TANC2: variants seen among roughly 807,000 people sequenced by gnomAD.
TANC2 encodes protein TANC2.
In TANC2, 26 loss-of-function variants were observed where a neutral mutation model predicts 210.5. The ratio of observed to expected loss-of-function variants is 0.12; its 90% CI spans 0.09 to 0.17. The LOEUF (loss-of-function observed/expected upper bound fraction) is 0.17. TANC2 is among the 10% of genes least tolerant of loss of function. The probability of loss-of-function intolerance (pLI) is 1.00; values close to 1 mark genes in which losing one functional copy is unlikely to be tolerated. For synonymous variants in TANC2, 931 were observed against 967.1 expected (o/e 0.96, Z 0.69); for missense variants, 2,129 against 2,608.9 (o/e 0.82, Z 4.01).
chr17:62,969,521 A>C lies in TANC2; in HGVS notation c.-24+2772A>C, dbSNP rs528491697. On this transcript the variant is annotated intron_variant, in intron 1 of 27. Coordinates refer to ENST00000689528, the Ensembl canonical transcript of TANC2. The stretch of plus-strand genomic sequence containing the variant: ...AAGTCTGCATATATACAAAAGATAC[A>C]GTTATTTGCAGTGTGAACATTTCTC... 3.9e-5 allele frequency among the ~76,000 whole-genome samples: 6 copies of C among 152,348 alleles called. No homozygotes were observed. In the South Asian group the frequency reaches 1.2e-3, roughly 32 times the overall value.
At chr17:63,070,226 A>G (rs2036345808) in intron 2 of TANC2, among the ~76,000 whole-genome samples, 1 of 152,072 alleles carries the variant, frequency 6.6e-6, no homozygotes, top group African/African-American at 2.4e-5. Context: ...ACTTAAGGGG[A>G]AAAAAAATCT....
At chr17:63,322,975 G>A (rs1224125040) in intron 11 of TANC2, among the ~76,000 whole-genome samples, 1 of 152,190 alleles carries the variant, frequency 6.6e-6, no homozygotes, top group African/African-American at 2.4e-5. Context: ...ATGGAATCCT[G>A]TTCAGCTTAT....
intron 2 of TANC2, among the ~76,000 whole-genome samples, chr17:63,013,762 T>TAAAAA (rs34126221): frequency 9.8e-6 from 1 of 101,758 alleles, no homozygotes; most frequent in Non-Finnish European, 1.8e-5. Context: ...ACCCTGTCTT[T>TAAAAA]AAAAAAAAAA....
chr17:63,011,979 T>A (rs1312867599), intron 2 of TANC2, among the ~76,000 whole-genome samples: 1 of 151,856 alleles, frequency 6.6e-6, no homozygotes, highest in African/African-American at 2.4e-5. Flanking sequence ...CTCCTATCTT[T>A]CTTTTTCCTC....
intron 7 of TANC2, among the ~76,000 whole-genome samples, chr17:63,210,874 T>G (rs2041865005): frequency 6.6e-6 from 1 of 152,190 alleles, no homozygotes; most frequent in South Asian, 2.1e-4. Context: ...TTGAATCAGT[T>G]TCCTTGTAGT....
intron 22 of TANC2, 58 bp downstream of exon 22, chr17:63,411,744 A>G (rs1362638915): frequency 6.4e-7 from 1 of 1,553,308 alleles, no homozygotes; most frequent in Non-Finnish European, 8.7e-7. Flanking sequence ...CTCCATCCAT[A>G]CTACCTGGGG....
intron 3 of TANC2, 121 bp downstream of exon 3, chr17:63,074,135 T>C (rs2036494642): frequency 1.6e-6 from 1 of 629,862 alleles, no homozygotes; most frequent in Non-Finnish European, 2.5e-6. Flanking sequence ...AGTTTCTCAT[T>C]TAGGATTTAA....
chr17:63,115,848 C>T (rs1490867977), intron 4 of TANC2, among the ~76,000 whole-genome samples: 2 of 152,014 alleles, frequency 1.3e-5, no homozygotes, highest in African/African-American at 2.4e-5. Context: ...TAGTTAGGTG[C>T]CTTACTCAGG....
In TANC2 at chr17:63,358,379, ATGTGTGTGTG is replaced by A. The variant is rs375498280; in HGVS notation, c.2582+3013_2582+3022del. Among the ~76,000 whole-genome samples, 204 of 139,642 alleles carry A rather than the reference ATGTGTGTGTG, an allele frequency of 1.5e-3. 1 individual carries two copies. Among genetic ancestry groups the A allele is most frequent in the African/African-American group, 4.9e-3 (179 of 36,164 alleles). The allele number at this position is 139,642 out of a possible 152,430, so 91.6% of individuals were successfully genotyped here. A position where few individuals can be genotyped will look rare whatever the true frequency, so the allele number is the denominator to read the frequency against. On this transcript the variant is annotated intron_variant, in intron 14 of 27. Transcript: ENST00000689528. ...AGAGAGAGAGAGAGAGAGAGAGAGT[ATGTGTGTGTG>A]TGTGTGTGTGTGTGTGTGTGTGTAT...
intron 11 of TANC2, among the ~76,000 whole-genome samples, chr17:63,322,496 TC>T (rs1260309389): frequency 6.6e-6 from 1 of 151,656 alleles, no homozygotes; most frequent in Non-Finnish European, 1.5e-5. Flanking sequence ...AGACTACGTC[TC>T]AAAAAAAAAG....
intron 1 of TANC2, among the ~76,000 whole-genome samples, chr17:62,975,924 A>AT (rs913223104): frequency 1.3e-5 from 2 of 151,978 alleles, no homozygotes; most frequent in African/African-American, 4.8e-5. Context: ...GCTCCTCCCA[A>AT]TTTTTTACTG....
At chr17:63,132,067 G>T (rs1290030937) in intron 4 of TANC2, among the ~76,000 whole-genome samples, 2 of 152,204 alleles carry the variant, frequency 1.3e-5, no homozygotes, top group Non-Finnish European at 2.9e-5. Flanking sequence ...AACATTTGTT[G>T]TTCCAGGCTT....
chr17:63,141,731 C>T (rs1294408716), intron 4 of TANC2, among the ~76,000 whole-genome samples: 1 of 151,898 alleles, frequency 6.6e-6, no homozygotes, highest in Admixed American at 6.6e-5. Flanking sequence ...CAGAATGATC[C>T]CATTTCATCA....
At chr17:63,383,642 G>C (rs759417416) in intron 15 of TANC2, among the ~76,000 whole-genome samples, 1 of 151,942 alleles carries the variant, frequency 6.6e-6, no homozygotes, top group Non-Finnish European at 1.5e-5. Context: ...TCCAATTTTG[G>C]CAATTATGAA....
At chr17:63,023,901 T>C (rs1183918325) in intron 2 of TANC2, among the ~76,000 whole-genome samples, 1 of 152,204 alleles carries the variant, frequency 6.6e-6, no homozygotes, top group African/African-American at 2.4e-5. Context: ...TTGTTTATAT[T>C]CCACAAATTT....
chr17:63,285,740 G>A (rs372989801), intron 9 of TANC2, among the ~76,000 whole-genome samples: 2 of 152,136 alleles, frequency 1.3e-5, no homozygotes, highest in Admixed American at 6.6e-5. Context: ...ATTGTATACC[G>A]GGAAAACGCA....
At chr17:63,238,159 C>A in intron 8 of TANC2, 82 bp downstream of exon 8, 1 of 1,413,238 alleles carries the variant, frequency 7.1e-7, no homozygotes, top group South Asian at 1.6e-5. Flanking sequence ...AAAATAAATC[C>A]TGCTCTGACA....
intron 2 of TANC2, among the ~76,000 whole-genome samples, chr17:63,055,594 TAACTC>T (rs923303554): frequency 3.3e-5 from 5 of 151,886 alleles, no homozygotes; most frequent in Non-Finnish European, 5.9e-5. Flanking sequence ...TGTACATACA[TAACTC>T]TATTCTATTT....
intron 1 of TANC2, among the ~76,000 whole-genome samples, chr17:62,975,186 C>A (rs534021095): frequency 1.3e-5 from 2 of 152,276 alleles, no homozygotes; most frequent in Non-Finnish European, 2.9e-5. Flanking sequence ...AGATCTCAGG[C>A]AATTCTGTCT....
Sources: gnomAD v4.1 joint callset for allele counts (sites outside exome capture counted in the v4.1 genomes callset) on GRCh38, gnomAD v4.1.1 for gene constraint, MANE v1.5 for transcripts, NCBI Gene and HGNC (gene_info 2026-07-23, HGNC 2026-07-21) for gene names.